FRMD5: variants seen among roughly 807,000 people sequenced by gnomAD.
FRMD5 encodes FERM domain-containing protein 5.
Under a neutral mutation model 69.0 loss-of-function variants are expected in FRMD5, and 20 were observed. The observed-to-expected ratio is 0.29, with a 90% CI of 0.20 to 0.42. The LOEUF (loss-of-function observed/expected upper bound fraction) is 0.42, where lower values mean the gene tolerates loss of function less well. Ranked by LOEUF, FRMD5 falls within the 10% of genes least tolerant of loss-of-function variation. FRMD5 has a pLI of 1.00. For synonymous variants in FRMD5, 271 were observed against 260.1 expected (o/e 1.04, Z -0.40); for missense variants, 595 against 708.6 (o/e 0.84, Z 1.82).
At chr15:44,162,867 CAAA>C (rs371915126) in intron 1 of FRMD5, among the ~76,000 whole-genome samples, 4 of 37,294 alleles carry the variant, frequency 1.1e-4, no homozygotes, top group African/African-American at 4.0e-4. Flanking sequence ...AACTCCGTCT[CAAA>C]AAAAAAAAAA....
intron 1 of FRMD5, among the ~76,000 whole-genome samples, chr15:43,945,388 C>A (rs2089929408): frequency 6.6e-6 from 1 of 152,038 alleles, no homozygotes; most frequent in African/African-American, 2.4e-5. Flanking sequence ...ACCCAAAGAA[C>A]TAGAAAGAAT....
At chr15:43,907,039 C>G (rs1021523254) in intron 5 of FRMD5, among the ~76,000 whole-genome samples, 1 of 152,110 alleles carries the variant, frequency 6.6e-6, no homozygotes, top group Non-Finnish European at 1.5e-5. Flanking sequence ...AGAAGACCCA[C>G]GGTACTTTCC....
intron 13 of FRMD5, 96 bp from the exon 14 acceptor site, chr15:43,874,558 A>C (rs1595466089): frequency 2.4e-6 from 2 of 826,484 alleles, no homozygotes. Flanking sequence ...CATTCTGCAC[A>C]CCCACATGAC....
At chr15:43,905,994 A>G (rs1292223096) in intron 5 of FRMD5, 43 bp from the exon 6 acceptor site, 1 of 1,613,192 alleles carries the variant, frequency 6.2e-7, no homozygotes, top group Non-Finnish European at 8.5e-7. Context: ...GGAGACAGGT[A>G]AATCATCATT....
chr15:44,156,149 T>C (rs537020524), intron 1 of FRMD5, among the ~76,000 whole-genome samples: 47 of 151,922 alleles, frequency 3.1e-4, no homozygotes, highest in African/African-American at 9.7e-4. Flanking sequence ...AAATGACATA[T>C]AATTTTTTTT....
chr15:43,888,382 G>A, intron 9 of FRMD5, 116 bp from the exon 10 acceptor site: 4 of 689,520 alleles, frequency 5.8e-6, no homozygotes, highest in Admixed American at 4.9e-5. Context: ...TAGTTAGAGG[G>A]GAGGGCCTGT....
intron 1 of FRMD5, among the ~76,000 whole-genome samples, chr15:44,038,520 CTTTTTT>C (rs71111834): frequency 1.6e-5 from 1 of 63,200 alleles, no homozygotes; most frequent in Admixed American, 2.8e-4. Flanking sequence ...CTAGCCAGAG[CTTTTTT>C]TTTTTTTTTT....
intron 1 of FRMD5, among the ~76,000 whole-genome samples, chr15:44,019,566 T>A (rs1412414712): frequency 6.6e-6 from 1 of 150,546 alleles, no homozygotes; most frequent in Non-Finnish European, 1.5e-5. Flanking sequence ...TGAAACCCCA[T>A]CTCTACTAAA....
At chr15:43,922,748 G>C (rs2089517643) in intron 2 of FRMD5, among the ~76,000 whole-genome samples, 1 of 149,800 alleles carries the variant, frequency 6.7e-6, no homozygotes, top group Non-Finnish European at 1.5e-5. Flanking sequence ...TTGGCTCACT[G>C]CAACCTCCAC....
chr15:43,921,559 T>C (rs2089493583), intron 2 of FRMD5, among the ~76,000 whole-genome samples: 1 of 152,158 alleles, frequency 6.6e-6, no homozygotes, highest in East Asian at 1.9e-4. Context: ...AGAGAAATCT[T>C]GAGAGGAACC....
At chr15:43,966,085 T>C (rs1029279518) in intron 1 of FRMD5, among the ~76,000 whole-genome samples, 3 of 151,982 alleles carry the variant, frequency 2.0e-5, no homozygotes, top group Non-Finnish European at 2.9e-5. Context: ...TAAGAGTTTA[T>C]CATCTGGGCT....
rs190131102 is a variant in FRMD5, at chr15:44,065,847, T to C, written c.102+129106A>G. Among the ~76,000 whole-genome samples, 995 of 152,356 alleles carry C rather than the reference T, an allele frequency of 6.5e-3. 6 individuals are homozygous for C. Among genetic ancestry groups the C allele is most frequent in the Non-Finnish European group, 0.011 (726 of 68,024 alleles). The stretch of plus-strand genomic sequence containing the variant: ...ACTTTTTATCTCCATAATTGGGAGA[T>C]GAACATGACATCCTTCACAACAATT... On this transcript the variant is annotated intron_variant, in intron 1 of 13. Transcript: ENST00000417257.
At chr15:43,981,960 T>A (rs2090555217) in intron 1 of FRMD5, among the ~76,000 whole-genome samples, 1 of 152,228 alleles carries the variant, frequency 6.6e-6, no homozygotes, top group Non-Finnish European at 1.5e-5. Flanking sequence ...CTGTCATAAA[T>A]CCTGTGAAGT....
rs550790512 is a variant in FRMD5 at position 43,952,610 on chromosome 15, G to T, written c.103-28301C>A. 2.2e-4 allele frequency among the ~76,000 whole-genome samples: 34 copies of T among 152,346 alleles called. 2 individuals are homozygous for T. The highest frequency in any genetic ancestry group is 7.9e-4 in the African/African-American group (33 of 41,582). ...GCACTGCAGACTCGCTTCCAGGAATGAACACTGCACTTTCTTGAGATTTCC... is the reference window on the plus strand; with the variant it reads ...GCACTGCAGACTCGCTTCCAGGAATTAACACTGCACTTTCTTGAGATTTCC... On this transcript the variant is annotated intron_variant, in intron 1 of 13. Coordinates refer to ENST00000417257, the MANE Select transcript of FRMD5 (RefSeq NM_032892.5).
At chr15:43,946,244 C>T (rs1342263179) in intron 1 of FRMD5, among the ~76,000 whole-genome samples, 4 of 152,214 alleles carry the variant, frequency 2.6e-5, no homozygotes, top group Admixed American at 2.6e-4. Flanking sequence ...ACAGCAAAGG[C>T]AGCATGGTTA....
At chr15:43,990,996 T>A (rs1448989273) in intron 1 of FRMD5, among the ~76,000 whole-genome samples, 1 of 152,198 alleles carries the variant, frequency 6.6e-6, no homozygotes. Flanking sequence ...GTACTATATA[T>A]CAGAACAGAT....
At chr15:44,099,001 G>A (rs191930077) in intron 1 of FRMD5, among the ~76,000 whole-genome samples, 12 of 152,254 alleles carry the variant, frequency 7.9e-5, no homozygotes, top group Non-Finnish European at 7.4e-5. Context: ...TCAAAAACAC[G>A]ACAACATTAT....
At chr15:44,009,732 T>C (rs1040259797) in intron 1 of FRMD5, among the ~76,000 whole-genome samples, 5 of 152,026 alleles carry the variant, frequency 3.3e-5, no homozygotes. Context: ...TCCTGGGGGC[T>C]TTGGGGTGCT....
chr15:44,067,564 G>A (rs1893363622), intron 1 of FRMD5, among the ~76,000 whole-genome samples: 1 of 152,122 alleles, frequency 6.6e-6, no homozygotes, highest in African/African-American at 2.4e-5. Context: ...TGTTCCTCAT[G>A]GATCATGCCG....
Sources: allele counts gnomAD v4.1 joint callset (sites outside exome capture counted in the v4.1 genomes callset), GRCh38; gene constraint gnomAD v4.1.1; transcripts MANE v1.5; gene names NCBI Gene and HGNC (gene_info 2026-07-23, HGNC 2026-07-21).